The following MAML2 variants were observed in gnomAD, a reference collection of about 807,000 sequenced individuals.
MAML2 encodes the protein mastermind-like protein 2.
MAML2 carries 22 observed loss-of-function variants against 96.1 expected under a neutral mutation model. The observed-to-expected ratio is 0.23, with a 90% CI of 0.16 to 0.33. The LOEUF (loss-of-function observed/expected upper bound fraction) is 0.33, where lower values mean the gene tolerates loss of function less well. Among genes scored for constraint, MAML2 ranks in the 10% least tolerant of loss-of-function variants. The pLI, the probability that MAML2 is intolerant of heterozygous loss-of-function variation, is 1.00. For synonymous variants in MAML2, 561 were observed against 521.3 expected (o/e 1.08, Z -1.04); for missense variants, 1,367 against 1,392.4 (o/e 0.98, Z 0.29).
chr11:96,285,352 A>C (rs1863124400), intron 1 of MAML2, among the ~76,000 whole-genome samples: 1 of 152,208 alleles, frequency 6.6e-6, no homozygotes, highest in Non-Finnish European at 1.5e-5. Context: ...TTAAATGTAA[A>C]ATCCCAAACT....
intron 1 of MAML2, among the ~76,000 whole-genome samples, chr11:96,119,959 T>TTTG (rs1020200968): frequency 1.6e-3 from 1 of 614 alleles, no homozygotes; most frequent in African/African-American, 2.1e-3. Context: ...AAGATTCAGA[T>TTTG]TTTTTTTTTT....
chr11:96,120,145 G>T (rs1039784573), intron 1 of MAML2, among the ~76,000 whole-genome samples: 2 of 152,084 alleles, frequency 1.3e-5, no homozygotes, highest in African/African-American at 2.4e-5. Context: ...TTTTAGTAGA[G>T]ACAGGGTTTT....
At chr11:96,227,176 C>T (rs115020563) in intron 1 of MAML2, among the ~76,000 whole-genome samples, 19 of 152,132 alleles carry the variant, frequency 1.2e-4, no homozygotes, top group Admixed American at 4.6e-4. Context: ...CCCCTTTCTT[C>T]GGGAAGTTCT....
At chr11:96,156,578 G>A (rs1248447360) in intron 1 of MAML2, among the ~76,000 whole-genome samples, 1 of 152,176 alleles carries the variant, frequency 6.6e-6, no homozygotes, top group African/African-American at 2.4e-5. Flanking sequence ...GACAGGATAA[G>A]GCGATTGCCT....
chr11:96,286,217 C>G (rs529381454), intron 1 of MAML2, among the ~76,000 whole-genome samples: 1 of 152,168 alleles, frequency 6.6e-6, no homozygotes, highest in Non-Finnish European at 1.5e-5. Context: ...AGCAAACTAA[C>G]GCAGGAACAG....
chr11:96,010,604 GC>G (rs1858251951), intron 2 of MAML2, among the ~76,000 whole-genome samples: 1 of 152,090 alleles, frequency 6.6e-6, no homozygotes, highest in Non-Finnish European at 1.5e-5. Context: ...AAGAATAGTG[GC>G]GAATGAAAAA....
chr11:96,216,160 CAGA>C (rs1862047659), intron 1 of MAML2, among the ~76,000 whole-genome samples: 1 of 152,118 alleles, frequency 6.6e-6, no homozygotes, highest in Admixed American at 6.5e-5. Flanking sequence ...ATGCTTAAAC[CAGA>C]AGAAGAAGAT....
chr11:96,003,459 A>G (rs1042850203), intron 2 of MAML2, among the ~76,000 whole-genome samples: 1 of 152,124 alleles, frequency 6.6e-6, no homozygotes, highest in East Asian at 1.9e-4. Flanking sequence ...CTTTAAAATC[A>G]AAAGTACTTT....
chr11:96,052,922 C>T (rs1442259208), intron 2 of MAML2, among the ~76,000 whole-genome samples: 2 of 152,232 alleles, frequency 1.3e-5, no homozygotes, highest in Non-Finnish European at 2.9e-5. Context: ...GAAGGTCCCA[C>T]CTCAGGTGAT....
chr11:96,075,998 C>T (rs1161243959), intron 2 of MAML2, among the ~76,000 whole-genome samples: 1 of 152,220 alleles, frequency 6.6e-6, no homozygotes, highest in Admixed American at 6.5e-5. Context: ...TTGTGGATCA[C>T]ATATCTCCCA....
intron 1 of MAML2, among the ~76,000 whole-genome samples, chr11:96,184,018 G>A (rs1416466465): frequency 6.6e-6 from 1 of 152,200 alleles, no homozygotes; most frequent in Admixed American, 6.5e-5. Flanking sequence ...CCAAAAGTTT[G>A]CATTTGCACT....
At chr11:96,274,626 TATTAATTA>T (rs72300732) in intron 1 of MAML2, among the ~76,000 whole-genome samples, 2 of 152,130 alleles carry the variant, frequency 1.3e-5, no homozygotes, top group African/African-American at 2.4e-5. Flanking sequence ...TAGTTAAACC[TATTAATTA>T]ATTAAACTAT....
intron 1 of MAML2, among the ~76,000 whole-genome samples, chr11:96,266,102 T>C (rs905448273): frequency 1.3e-5 from 2 of 152,132 alleles, no homozygotes; most frequent in African/African-American, 2.4e-5. Flanking sequence ...TGCCCTGGTG[T>C]TGGAGCCCCA....
Position 95,978,455 on chromosome 11 carries a change from T to A in MAML2, c.*493A>T, listed in dbSNP as rs1001218893. The A allele has an allele frequency of 5.0e-6, 1 of 199,478 alleles. No homozygotes were observed. Among genetic ancestry groups the A allele is most frequent in the Non-Finnish European group, 1.0e-5 (1 of 96,756 alleles). 12.4% of individuals were successfully genotyped at this position (199,478 alleles called of 1,614,324 possible). A position where few individuals can be genotyped will look rare whatever the true frequency, so the allele number is the denominator to read the frequency against. On this transcript the variant is annotated 3_prime_UTR_variant, in exon 5 of 5. Coordinates refer to ENST00000524717, the MANE Select transcript of MAML2 (RefSeq NM_032427.4). ...TGTTTGGTTACTCCAAACAAACCTA[T>A]AACATTTCAATCTATCCTGCAAGCT...
intron 1 of MAML2, among the ~76,000 whole-genome samples, chr11:96,248,267 C>T (rs1391487214): frequency 1.3e-5 from 2 of 151,848 alleles, no homozygotes; most frequent in Admixed American, 6.6e-5. Flanking sequence ...CACCTGCCAC[C>T]ATGCCTGGCT....
intron 2 of MAML2, among the ~76,000 whole-genome samples, chr11:96,070,018 G>T (rs1399767567): frequency 6.6e-6 from 1 of 150,738 alleles, no homozygotes; most frequent in African/African-American, 2.5e-5. Context: ...GTGAGACTCT[G>T]TCTCAAAAAT....
At chr11:96,220,772 C>T (rs1862124893) in intron 1 of MAML2, among the ~76,000 whole-genome samples, 1 of 152,018 alleles carries the variant, frequency 6.6e-6, no homozygotes, top group African/African-American at 2.4e-5. Context: ...GTTTCAAATA[C>T]ATCCTCTGAA....
At chr11:95,996,848 T>C (rs1857998698) in intron 2 of MAML2, among the ~76,000 whole-genome samples, 1 of 152,190 alleles carries the variant, frequency 6.6e-6, no homozygotes, top group Admixed American at 6.5e-5. Flanking sequence ...ATTCAACCCA[T>C]GTAGAACTTA....
chr11:96,244,556 T>G (rs1862486548), intron 1 of MAML2, among the ~76,000 whole-genome samples: 2 of 152,368 alleles, frequency 1.3e-5, no homozygotes, highest in South Asian at 2.1e-4. Flanking sequence ...TATCGATTAT[T>G]GTTTTATTAT....
Sources: allele counts gnomAD v4.1 joint callset (sites outside exome capture counted in the v4.1 genomes callset), GRCh38; gene constraint gnomAD v4.1.1; transcripts MANE v1.5; gene names NCBI Gene and HGNC (gene_info 2026-07-23, HGNC 2026-07-21).